UGT2B7: variants seen among roughly 807,000 people sequenced by gnomAD.
UGT2B7 encodes the protein UDP-glucuronosyltransferase 2B7.
A neutral mutation model predicts 51.9 loss-of-function variants in UGT2B7; 51 were observed. The ratio of observed to expected loss-of-function variants is 0.98; its 90% CI spans 0.78 to 1.24. The LOEUF (loss-of-function observed/expected upper bound fraction) is 1.24. Ranked by LOEUF, UGT2B7 falls within the 50% of genes most tolerant of loss-of-function variation. The pLI, the probability that UGT2B7 is intolerant of heterozygous loss-of-function variation, is 0.00. For missense variants in UGT2B7, 727 were observed against 628.4 expected, an observed-to-expected ratio of 1.16 and a Z score of -1.68; for synonymous variants, 225 against 211.6, an observed-to-expected ratio of 1.06 and a Z score of -0.55.
At chr4:69,064,092 GAA>G (rs765990939) in intron 1 of UGT2B7, among the ~76,000 whole-genome samples, 1,014 of 98,052 alleles carry the variant, frequency 0.01, 41 homozygotes, top group Middle Eastern at 0.017. Context: ...AAGAAAGAAA[GAA>G]AGAGAAAGAA....
intron 1 of UGT2B7, among the ~76,000 whole-genome samples, chr4:69,077,060 T>C (rs1184449298): frequency 6.6e-6 from 1 of 152,204 alleles, no homozygotes; most frequent in Non-Finnish European, 1.5e-5. Context: ...TTGCTTGTTT[T>C]TGTCAGTTTT....
intron 1 of UGT2B7, among the ~76,000 whole-genome samples, chr4:69,054,268 G>A (rs908090972): frequency 6.6e-6 from 1 of 152,118 alleles, no homozygotes; most frequent in African/African-American, 2.4e-5. Flanking sequence ...TGGGGCACTG[G>A]CCAAGGCCAG....
Position 69,084,024 on chromosome 4 carries a change from T to G in UGT2B7, c.-158-5448T>G, listed in dbSNP as rs571587540. Among the ~76,000 whole-genome samples, 23 of 152,220 alleles carry G rather than the reference T, an allele frequency of 1.5e-4. No individual in the cohort carries two copies. In the South Asian group the frequency reaches 4.6e-3, roughly 30 times the overall value. On this transcript the variant is annotated intron_variant, in intron 1 of 5. Coordinates refer to the UGT2B7 transcript ENST00000502942. ...ATGTTACCTGTGCATTTGTCATATA[T>G]GGCCTTTATAAGTTTGAAGTGTTTT... is the stretch of plus-strand genomic sequence containing the variant.
At chr4:69,085,105 A>C (rs374790935) in intron 1 of UGT2B7, among the ~76,000 whole-genome samples, 7 of 152,064 alleles carry the variant, frequency 4.6e-5, no homozygotes, top group African/African-American at 1.7e-4. Flanking sequence ...AAGCATTCCT[A>C]TTTCTCCACA....
chr4:69,061,216 G>T (rs181295314), intron 1 of UGT2B7, among the ~76,000 whole-genome samples: 26 of 152,126 alleles, frequency 1.7e-4, no homozygotes, highest in Admixed American at 1.7e-3. Context: ...CTCTAAATAT[G>T]CTTTTGCCAC....
intron 1 of UGT2B7, among the ~76,000 whole-genome samples, chr4:69,072,795 C>A (rs1185882501): frequency 6.6e-6 from 1 of 152,140 alleles, no homozygotes; most frequent in African/African-American, 2.4e-5. Flanking sequence ...GATCCTGATT[C>A]AGTATCATAA....
chr4:69,091,880 T>C (rs901731680), upstream of UGT2B7, among the ~76,000 whole-genome samples: 1 of 152,216 alleles, frequency 6.6e-6, no homozygotes, highest in African/African-American at 2.4e-5. Flanking sequence ...GAGGTCCATG[T>C]GGCACATGAC....
chr4:69,066,594 A>G (rs1301331988), intron 1 of UGT2B7: 1 of 152,186 alleles, frequency 6.6e-6, no homozygotes, highest in Non-Finnish European at 1.5e-5. Flanking sequence ...TTATTATTTA[A>G]AAAGTCAAAA....
At chr4:69,073,175 G>A (rs1718635772) in intron 1 of UGT2B7, among the ~76,000 whole-genome samples, 1 of 152,076 alleles carries the variant, frequency 6.6e-6, no homozygotes, top group Non-Finnish European at 1.5e-5. Context: ...AATACCCTTA[G>A]CCTATCACCA....
intron 1 of UGT2B7, among the ~76,000 whole-genome samples, chr4:69,072,383 C>G (rs1240307656): frequency 6.6e-6 from 1 of 152,048 alleles, no homozygotes; most frequent in Non-Finnish European, 1.5e-5. Context: ...GAATATGAAG[C>G]ACTACAGAAG....
Position 69,096,840 on chromosome 4 carries a change from T to C in UGT2B7, c.320T>C (p.Leu107Ser), listed in dbSNP as rs1453354095. ...GACCTTCCAAAAGATACATTTTGGT[T>C]ATATTTTTCACAAGTACAGGAAATC... The part of the protein sequence containing the change: ...WSDLPKDTFW[L>S]YFSQVQEIMS... The change falls in exon 1 of 6, where the codon TTA becomes TCA. Residue 107 changes from leucine (L) to serine (S), a missense_variant. By Grantham distance (145) the Leu-to-Ser change is moderately radical (BLOSUM62 -2). Transcript: ENST00000305231. The C allele has an allele frequency of 4.3e-6, 7 of 1,613,694 alleles. No homozygotes were observed. The highest frequency in any genetic ancestry group is 3.3e-5 in the Admixed American group (2 of 59,906).
At chr4:69,057,982 A>G (rs757017095) in intron 1 of UGT2B7, among the ~76,000 whole-genome samples, 76 of 152,170 alleles carry the variant, frequency 5.0e-4, no homozygotes, top group Non-Finnish European at 2.1e-4. Flanking sequence ...AAATTTCCTT[A>G]TATTAACTCA....
At chr4:69,093,833 C>A (rs978249225), upstream of UGT2B7, among the ~76,000 whole-genome samples, 5 of 152,172 alleles carry the variant, frequency 3.3e-5, no homozygotes, top group African/African-American at 1.2e-4. Context: ...TTTCTTCATT[C>A]TCTGTGGATC....
At chr4:69,053,202 A>G (rs1461959495) in intron 1 of UGT2B7, among the ~76,000 whole-genome samples, 1 of 152,240 alleles carries the variant, frequency 6.6e-6, no homozygotes. Flanking sequence ...TATTAATAGC[A>G]TACTAATATA....
Position 69,064,094 on chromosome 4 carries a change from A to AG in UGT2B7, c.-159+12492_-159+12493insG, listed in dbSNP as rs1718429376. Among the ~76,000 whole-genome samples, 254 of 84,362 alleles carry AG rather than the reference A, an allele frequency of 3.0e-3. 1 individual carries two copies. The highest frequency in any genetic ancestry group is 4.2e-3 in the African/African-American group (83 of 19,880). The allele number at this position is 84,362 out of a possible 152,430, so 55.3% of individuals were successfully genotyped here. On this transcript the variant is annotated intron_variant, in intron 1 of 5. Transcript: ENST00000502942. ...AAAGAAAGAAAGAAAGAAAGAAAGA[A>AG]AGAGAAAGAAAGAAAGAAAAAGAAA... is the stretch of plus-strand genomic sequence containing the variant.
At chr4:69,056,669 C>CGGGCGCGGTG (rs1718209823) in intron 1 of UGT2B7, among the ~76,000 whole-genome samples, 2 of 151,866 alleles carry the variant, frequency 1.3e-5, no homozygotes, top group African/African-American at 4.8e-5. Flanking sequence ...ACCTACTTAC[C>CGGGCGCGGTG]GCTCCTTTGT....
intron 1 of UGT2B7, among the ~76,000 whole-genome samples, chr4:69,065,579 A>T (rs1050626405): frequency 1.3e-5 from 2 of 152,194 alleles, no homozygotes; most frequent in African/African-American, 2.4e-5. Context: ...ATCACTTAAA[A>T]TTTTTTCTTG....
intron 2 of UGT2B7, 44 bp from the exon 3 acceptor site, chr4:69,102,762 CT>C: frequency 1.3e-6 from 2 of 1,589,944 alleles, no homozygotes; most frequent in South Asian, 2.3e-5. Flanking sequence ...GTAGTGCCCG[CT>C]GTGCTAATAC....
At chr4:69,107,999 T>A in intron 4 of UGT2B7, 104 bp from the exon 5 acceptor site, 1 of 1,410,170 alleles carries the variant, frequency 7.1e-7, no homozygotes. Flanking sequence ...AATTTTAATT[T>A]AGTTCAGTGT....
Sources: gnomAD v4.1 joint callset for allele counts (sites outside exome capture counted in the v4.1 genomes callset) on GRCh38, gnomAD v4.1.1 for gene constraint, MANE v1.5 for transcripts, NCBI Gene and HGNC (gene_info 2026-07-23, HGNC 2026-07-21) for gene names.